The following KCNQ2 variants were observed in gnomAD, a reference collection of about 807,000 sequenced individuals.
KCNQ2 encodes the protein potassium voltage-gated channel subfamily Q member 2.
KCNQ2 carries 14 observed loss-of-function variants against 84.8 expected under a neutral mutation model. That is an observed-to-expected ratio of 0.17 (90% CI 0.11 to 0.26). The LOEUF (loss-of-function observed/expected upper bound fraction) is 0.26, where lower values mean the gene tolerates loss of function less well. KCNQ2 is among the 10% of genes least tolerant of loss of function. The pLI is 1.00. For synonymous variants in KCNQ2, 599 were observed against 554.1 expected (o/e 1.08, Z -1.14); for missense variants, 788 against 1,254.0 (o/e 0.63, Z 5.61).
At chr20:63,433,431 T>C (rs1160049945) in intron 8 of KCNQ2, 8 of 450,570 alleles carry the variant, frequency 1.8e-5, no homozygotes, top group African/African-American at 1.4e-4. Context: ...GGTTCCACTC[T>C]TGAAGCTTGG....
chr20:63,440,274 G>A (rs8120924), intron 5 of KCNQ2, among the ~76,000 whole-genome samples: 3,986 of 152,210 alleles, frequency 0.026, 156 homozygotes, highest in African/African-American at 0.084. Context: ...GGGGAGGTCA[G>A]GCCAGGTTGG....
At chr20:63,436,972 T>C (rs2081028797) in intron 7 of KCNQ2, among the ~76,000 whole-genome samples, 1 of 151,730 alleles carries the variant, frequency 6.6e-6, no homozygotes, top group South Asian at 2.1e-4. Context: ...AGAGATGGGG[T>C]TTCACCATGT....
At chr20:63,440,136 G>A (rs1008815793) in intron 5 of KCNQ2, among the ~76,000 whole-genome samples, 19 of 152,200 alleles carry the variant, frequency 1.2e-4, no homozygotes, top group African/African-American at 4.1e-4. Context: ...CCAGAGGAGA[G>A]GGGTGGGCAG....
chr20:63,442,889 AT>A (rs2081245098), intron 4 of KCNQ2, among the ~76,000 whole-genome samples: 1 of 77,718 alleles, frequency 1.3e-5, no homozygotes, highest in Non-Finnish European at 2.7e-5. Flanking sequence ...CACCACCACC[AT>A]CACCACCATC....
intron 8 of KCNQ2, 93 bp from the exon 9 acceptor site, chr20:63,431,462 A>C: frequency 1.5e-6 from 2 of 1,373,508 alleles, no homozygotes; most frequent in Non-Finnish European, 2.1e-6. Flanking sequence ...ATAGTTGAGG[A>C]AAGTAGGGGA....
intron 8 of KCNQ2, 105 bp downstream of exon 8, chr20:63,433,703 GA>G (rs752847399): frequency 3.8e-6 from 6 of 1,594,628 alleles, no homozygotes; most frequent in East Asian, 2.2e-5. Context: ...ACATTTTAAA[GA>G]AAAAAAATCA....
Position 63,414,539 on chromosome 20 carries a change from G to A in KCNQ2, c.1526-346C>T, listed in dbSNP as rs1013104255. The stretch of plus-strand genomic sequence containing the variant: ...CTCAGTGAAGGAAGCCAGACCCAAC[G>A]GCCCCACGTGGGAGCCGCAGACACG... On this transcript the variant is annotated intron_variant, in intron 13 of 16. Coordinates refer to ENST00000359125, the MANE Select transcript of KCNQ2 (RefSeq NM_172107.4). The surrounding 1 kb of genome is among the most constrained non-coding windows in gnomAD (Gnocchi z 6.6). Among the ~76,000 whole-genome samples, 1 of 152,054 alleles carries A rather than the reference G, an allele frequency of 6.6e-6. No homozygotes were observed. Among genetic ancestry groups the A allele is most frequent in the African/African-American group, 2.4e-5 (1 of 41,418 alleles).
intron 11 of KCNQ2, 42 bp downstream of exon 11, chr20:63,424,135 G>C (rs777081754): frequency 6.4e-7 from 1 of 1,551,530 alleles, no homozygotes; most frequent in Non-Finnish European, 8.7e-7. Flanking sequence ...CCAGACGGCC[G>C]TGCACACGGC....
rs577170452 is a variant in KCNQ2, at chr20:63,411,858, C to T, written c.1763+1592G>A. 7.2e-4 allele frequency: 513 copies of T among 708,002 alleles called. 4 individuals carry two copies. In the African/African-American group the frequency reaches 7.7e-3, roughly 11 times the overall value. 43.9% of individuals were successfully genotyped at this position (708,002 alleles called of 1,614,324 possible). A position where few individuals can be genotyped will look rare whatever the true frequency, so the allele number is the denominator to read the frequency against. On this transcript the variant is annotated intron_variant, in intron 15 of 16. Coordinates refer to ENST00000359125, the MANE Select transcript of KCNQ2 (RefSeq NM_172107.4). ...TCTTGTGCCGGGGAGTTGAAGGGGG[C>T]GGGGGACCCACAATCATATCTATCC...
intron 7 of KCNQ2, among the ~76,000 whole-genome samples, chr20:63,436,327 C>G (rs184852028): frequency 1.4e-3 from 209 of 152,218 alleles, no homozygotes; most frequent in Non-Finnish European, 1.9e-3. Context: ...GTCAGGAGAT[C>G]GAGACCATCC....
Position 63,451,137 on chromosome 20 carries a change from CAA to C in KCNQ2, c.297-4302_297-4301del, listed in dbSNP as rs58922723. Among the ~76,000 whole-genome samples the C allele has an allele frequency of 2.6e-3, 291 of 110,006 alleles. 1 individual carries two copies. Among genetic ancestry groups the C allele is most frequent in the African/African-American group, 8.4e-3 (255 of 30,368 alleles). The allele number at this position is 110,006 out of a possible 152,430, so 72.2% of individuals were successfully genotyped here. On this transcript the variant is annotated intron_variant, in intron 1 of 16. Transcript: ENST00000359125. ...TAGGCAATAGAGCAAGACTCTGTCC[CAA>C]AAAAAAAAAAAAAAGAAACAAACAA...
Position 63,414,776 on chromosome 20 carries a change from A to G in KCNQ2, c.1525+127T>C. On this transcript the variant is annotated intron_variant, in intron 13 of 16. Transcript: ENST00000359125. This position sits in a 1 kb window ranked among gnomAD's most constrained non-coding sequence, Gnocchi z 6.6. ...CACAAGTCTCACCTCAATTTTAGAA[A>G]GGATAGGGGGTTCCCACTCCAAGAG... The G allele has an allele frequency of 8.1e-6, 7 of 862,326 alleles. No homozygotes were observed. The highest frequency in any genetic ancestry group is 1.3e-5 in the Non-Finnish European group (7 of 520,642). 53.4% of individuals were successfully genotyped at this position (862,326 alleles called of 1,614,324 possible). A position where few individuals can be genotyped will look rare whatever the true frequency, so the allele number is the denominator to read the frequency against.
intron 8 of KCNQ2, among the ~76,000 whole-genome samples, chr20:63,432,881 C>T (rs944942744): frequency 6.6e-6 from 1 of 152,068 alleles, no homozygotes; most frequent in African/African-American, 2.4e-5. Flanking sequence ...GCTCCACCCA[C>T]AGGGAAGGCC....
At chr20:63,470,172 A>AG (rs1488543275) in intron 1 of KCNQ2, among the ~76,000 whole-genome samples, 1 of 152,136 alleles carries the variant, frequency 6.6e-6, no homozygotes, top group African/African-American at 2.4e-5. Context: ...CCCCTCCCAA[A>AG]GGGGCCGCCT....
At chr20:63,462,750 G>C (rs1042580273) in intron 1 of KCNQ2, among the ~76,000 whole-genome samples, 1 of 152,206 alleles carries the variant, frequency 6.6e-6, no homozygotes, top group Non-Finnish European at 1.5e-5. Flanking sequence ...CCTAGCACCT[G>C]CTTCAAGGTC....
intron 1 of KCNQ2, among the ~76,000 whole-genome samples, chr20:63,455,241 G>A (rs188580877): frequency 1.9e-3 from 291 of 152,304 alleles, no homozygotes; most frequent in African/African-American, 6.1e-3. Flanking sequence ...ATGATAATGG[G>A]TTCAACTTCC....
rs527266798 is a variant in KCNQ2, at chr20:63,401,728, G to C, written c.*4916C>G. The C allele has an allele frequency of 1.1e-5, 2 of 179,252 alleles. No individual in the cohort carries two copies. The highest frequency in any genetic ancestry group is 2.4e-5 in the Non-Finnish European group (2 of 84,490). The allele number at this position is 179,252 out of a possible 1,614,324, so 11.1% of individuals were successfully genotyped here. ...ACCGGACAGGATCAGAGGACACTGG[G>C]GGCACCCGTGCACTGAGCACCCACC... On this transcript the variant is annotated 3_prime_UTR_variant, in exon 17 of 17. Coordinates refer to ENST00000359125, the MANE Select transcript of KCNQ2 (RefSeq NM_172107.4).
intron 15 of KCNQ2, among the ~76,000 whole-genome samples, chr20:63,410,318 G>A (rs1271944755): frequency 6.6e-6 from 1 of 152,188 alleles, no homozygotes; most frequent in Non-Finnish European, 1.5e-5. Flanking sequence ...GCTGCTGGGG[G>A]CTCCTCCAAG....
At chr20:63,431,486 AG>A in intron 8 of KCNQ2, 117 bp from the exon 9 acceptor site, 1 of 1,188,806 alleles carries the variant, frequency 8.4e-7, no homozygotes, top group Non-Finnish European at 1.3e-6. Flanking sequence ...AACAGAACAA[AG>A]AAAATTAGCA....
Sources: allele counts gnomAD v4.1 joint callset (sites outside exome capture counted in the v4.1 genomes callset), GRCh38; gene constraint gnomAD v4.1.1; non-coding constraint Gnocchi (gnomAD v3.1); transcripts MANE v1.5; gene names NCBI Gene and HGNC (gene_info 2026-07-23, HGNC 2026-07-21).